The following MIA2 variants were observed in gnomAD, a reference collection of about 807,000 sequenced individuals.
MIA2 encodes the protein MIA SH3 domain ER export factor 2.
In MIA2, 127 loss-of-function variants were observed where a neutral mutation model predicts 167.8. That is an observed-to-expected ratio of 0.76 (90% CI 0.66 to 0.88). The LOEUF is 0.88. MIA2 is among the 40% of genes least tolerant of loss of function. The pLI is 0.00. For missense variants in MIA2, 1,690 were observed against 1,624.7 expected (o/e 1.04, Z -0.69); for synonymous variants, 552 against 541.9 (o/e 1.02, Z -0.26).
At chr14:39,282,688 C>A (rs2059119365) in intron 9 of MIA2, among the ~76,000 whole-genome samples, 1 of 152,184 alleles carries the variant, frequency 6.6e-6, no homozygotes, top group Non-Finnish European at 1.5e-5. Context: ...ATCCTCCCAC[C>A]TCAGACTCCT....
intron 6 of MIA2, chr14:39,265,629 G>C (rs1047355738): frequency 1.6e-5 from 7 of 432,362 alleles, no homozygotes; most frequent in Non-Finnish European, 2.8e-5. Flanking sequence ...GGAGGGCAAA[G>C]GGAGGTTTTT....
downstream of MIA2, among the ~76,000 whole-genome samples, chr14:39,355,090 G>C (rs1189104275): frequency 1.3e-5 from 2 of 151,450 alleles, no homozygotes; most frequent in African/African-American, 4.9e-5. Flanking sequence ...TTCCATCTGT[G>C]AAGAAAGTCA....
intron 24 of MIA2, among the ~76,000 whole-genome samples, chr14:39,321,458 C>T (rs1245776331): frequency 5.9e-5 from 9 of 151,696 alleles, no homozygotes; most frequent in Middle Eastern, 3.2e-3. Flanking sequence ...GGACTACAGG[C>T]GCCCGCCACC....
chr14:39,360,668 C>T (rs2074662594), intron 23 of MIA2, among the ~76,000 whole-genome samples: 1 of 152,038 alleles, frequency 6.6e-6, no homozygotes, highest in South Asian at 2.1e-4. Flanking sequence ...TTATTATAGT[C>T]CCATCTGTCC....
At chr14:39,266,533 C>G in intron 6 of MIA2, 1 of 985,422 alleles carries the variant, frequency 1.0e-6, no homozygotes, top group Non-Finnish European at 1.2e-6. Context: ...CTCAGGTAAG[C>G]GAGGAAACCA....
chr14:39,238,793 C>CAAAAAAAAAAAA (rs769534317), intron 2 of MIA2, among the ~76,000 whole-genome samples: 10,031 of 30,420 alleles, frequency 0.33, 2,174 homozygotes, highest in Non-Finnish European at 0.41. Context: ...GACCCTGTCT[C>CAAAAAAAAAAAA]AAAAAAAAAA....
At chr14:39,380,691 C>CAAAAAA (rs145179098) in intron 23 of MIA2, among the ~76,000 whole-genome samples, 7 of 84,992 alleles carry the variant, frequency 8.2e-5, no homozygotes, top group East Asian at 3.3e-4. Flanking sequence ...GACTCAGACT[C>CAAAAAA]AAAAAAAAAA....
chr14:39,317,495 C>A (rs757919315), intron 21 of MIA2, among the ~76,000 whole-genome samples: 2 of 152,088 alleles, frequency 1.3e-5, no homozygotes, highest in East Asian at 3.9e-4. Context: ...AGGCTCTGAA[C>A]GTTTGACCCC....
intron 9 of MIA2, among the ~76,000 whole-genome samples, chr14:39,286,510 G>C (rs143856445): frequency 6.6e-6 from 1 of 152,258 alleles, no homozygotes; most frequent in East Asian, 1.9e-4. Flanking sequence ...TTTGTGTATA[G>C]AAATGACATA....
At chr14:39,334,550 A>G (rs146472384) in intron 25 of MIA2, among the ~76,000 whole-genome samples, 1 of 138,612 alleles carries the variant, frequency 7.2e-6, no homozygotes, top group East Asian at 2.2e-4. Context: ...TAACGAAATG[A>G]TAATGAATGA....
chr14:39,355,288 G>T (rs1279079463), downstream of MIA2, among the ~76,000 whole-genome samples: 4 of 152,134 alleles, frequency 2.6e-5, no homozygotes, highest in Non-Finnish European at 5.9e-5. Context: ...TTGTAAGTTG[G>T]ATTCCTAGGT....
rs1409334143 is a variant in MIA2 at position 39,302,116 on chromosome 14, G to A, written c.2620-13G>A. On this transcript the variant is annotated splice_polypyrimidine_tract_variant and intron_variant, in intron 14 of 28. Transcript: ENST00000640607. Reference sequence around the variant, plus strand: ...ATTACCCTCTCTATTTTTCCCCTTTGTTCAATGTCAAGACTCTGACTGAAC... The same window carrying A: ...ATTACCCTCTCTATTTTTCCCCTTTATTCAATGTCAAGACTCTGACTGAAC... 3 of 1,611,148 alleles carry A rather than the reference G, an allele frequency of 1.9e-6. No homozygotes were observed. The highest frequency in any genetic ancestry group is 2.5e-6 in the Non-Finnish European group (3 of 1,178,492).
At chr14:39,339,491 A>G (rs1404100382) in intron 25 of MIA2, among the ~76,000 whole-genome samples, 2 of 152,186 alleles carry the variant, frequency 1.3e-5, no homozygotes, top group African/African-American at 4.8e-5. Flanking sequence ...TTTGTTCTAA[A>G]TATATTTTTA....
At chr14:39,380,852 C>T (rs1009730093) in intron 23 of MIA2, among the ~76,000 whole-genome samples, 13 of 151,902 alleles carry the variant, frequency 8.6e-5, no homozygotes, top group African/African-American at 3.1e-4. Context: ...CACTGAAACC[C>T]TGGTTCTCCA....
chr14:39,357,482 C>A (rs140085288), intron 23 of MIA2, among the ~76,000 whole-genome samples: 4,818 of 143,100 alleles, frequency 0.034, 275 homozygotes, highest in African/African-American at 0.12. Flanking sequence ...ATACAGCACA[C>A]TGATGGGTCT....
intron 24 of MIA2, among the ~76,000 whole-genome samples, chr14:39,321,469 A>G (rs557391654): frequency 2.3e-4 from 35 of 151,666 alleles, no homozygotes; most frequent in Non-Finnish European, 3.7e-4. Flanking sequence ...GCCCGCCACC[A>G]TGCCCGGCTA....
intron 23 of MIA2, among the ~76,000 whole-genome samples, chr14:39,359,099 G>T (rs942055081): frequency 6.6e-6 from 1 of 152,186 alleles, no homozygotes; most frequent in African/African-American, 2.4e-5. Context: ...GGACATTTAA[G>T]TCTGCAGAGG....
At chr14:39,250,752 T>C (rs2054533093) in intron 4 of MIA2, among the ~76,000 whole-genome samples, 1 of 149,474 alleles carries the variant, frequency 6.7e-6, no homozygotes, top group Non-Finnish European at 1.5e-5. Flanking sequence ...TATCATTTTA[T>C]ATAGAGATAC....
chr14:39,267,668 T>G, intron 6 of MIA2: 1 of 962,510 alleles, frequency 1.0e-6, no homozygotes, highest in Non-Finnish European at 1.5e-6. Context: ...CTCCCGCCCG[T>G]GTTCGAGGCA....
Sources: gnomAD v4.1 joint callset for allele counts (sites outside exome capture counted in the v4.1 genomes callset) on GRCh38, gnomAD v4.1.1 for gene constraint, MANE v1.5 for transcripts, NCBI Gene and HGNC (gene_info 2026-07-23, HGNC 2026-07-21) for gene names.